The following RBFOX3 variants were observed in gnomAD, a reference collection of about 807,000 sequenced individuals.
RBFOX3 encodes the protein RNA binding fox-1 homolog 3.
A neutral mutation model predicts 48.7 loss-of-function variants in RBFOX3; 17 were observed. The observed-to-expected ratio is 0.35, with a 90% CI of 0.24 to 0.52. The LOEUF is 0.52. Among genes scored for constraint, RBFOX3 ranks in the 20% least tolerant of loss-of-function variants. RBFOX3 has a pLI of 0.94. For synonymous variants in RBFOX3, 212 were observed against 209.5 expected, an observed-to-expected ratio of 1.01 and a Z score of -0.10; for missense variants, 382 against 497.5, an observed-to-expected ratio of 0.77 and a Z score of 2.21.
At chr17:79,558,458 C>T (rs1396610872) in intron 1 of RBFOX3, among the ~76,000 whole-genome samples, 1 of 151,970 alleles carries the variant, frequency 6.6e-6, no homozygotes, top group Middle Eastern at 3.2e-3. Context: ...CTGAGGGCCC[C>T]AGGGTGCTGG....
At chr17:79,272,554 C>T (rs2067930048) in intron 3 of RBFOX3, among the ~76,000 whole-genome samples, 1 of 152,200 alleles carries the variant, frequency 6.6e-6, no homozygotes, top group African/African-American at 2.4e-5. Flanking sequence ...GCAGGTCCCA[C>T]CTGGCTGCCT....
At chr17:79,256,289 C>G (rs2064836352) in intron 3 of RBFOX3, among the ~76,000 whole-genome samples, 1 of 152,014 alleles carries the variant, frequency 6.6e-6, no homozygotes, top group Non-Finnish European at 1.5e-5. Context: ...TCATGTGAAT[C>G]CACTTTAATT....
intron 10 of RBFOX3, 97 bp downstream of exon 10, chr17:79,097,595 C>A: frequency 1.4e-6 from 2 of 1,440,350 alleles, no homozygotes; most frequent in Non-Finnish European, 9.4e-7. Flanking sequence ...GACGGCCCAC[C>A]TGGCCCCGCC....
intron 2 of RBFOX3, among the ~76,000 whole-genome samples, chr17:79,427,934 G>A (rs561432822): frequency 5.3e-5 from 8 of 152,200 alleles, no homozygotes; most frequent in Non-Finnish European, 8.8e-5. Flanking sequence ...ACTGGGCCCC[G>A]TGCTCCCAGC....
intron 2 of RBFOX3, among the ~76,000 whole-genome samples, chr17:79,317,467 C>G (rs761050077): frequency 2.0e-5 from 3 of 152,248 alleles, no homozygotes; most frequent in Non-Finnish European, 2.9e-5. Flanking sequence ...GTGAGCACAT[C>G]TGGCTTCCAC....
intron 1 of RBFOX3, among the ~76,000 whole-genome samples, chr17:79,500,382 T>G (rs2082230989): frequency 6.6e-6 from 1 of 150,518 alleles, no homozygotes; most frequent in Non-Finnish European, 1.5e-5. Flanking sequence ...CTCAGCCTCC[T>G]GAGTAGCTGG....
At chr17:79,497,392 C>CGCA (rs1310495660) in intron 1 of RBFOX3, among the ~76,000 whole-genome samples, 2 of 152,134 alleles carry the variant, frequency 1.3e-5, no homozygotes, top group African/African-American at 2.4e-5. Flanking sequence ...TCCAATGGAC[C>CGCA]GCAGAGTCTT....
intron 2 of RBFOX3, among the ~76,000 whole-genome samples, chr17:79,401,215 G>A (rs1228338364): frequency 2.0e-5 from 3 of 152,300 alleles, no homozygotes; most frequent in Middle Eastern, 3.4e-3. Context: ...GGGGCTCCGC[G>A]GTCAGGTTCC....
At chr17:79,466,072 T>C (rs1388309191) in intron 2 of RBFOX3, among the ~76,000 whole-genome samples, 1 of 152,184 alleles carries the variant, frequency 6.6e-6, no homozygotes, top group East Asian at 1.9e-4. Flanking sequence ...CCAAAGTGCA[T>C]GTGTGGAGAC....
At chr17:79,264,576 C>T (rs1039683742) in intron 3 of RBFOX3, among the ~76,000 whole-genome samples, 1 of 152,138 alleles carries the variant, frequency 6.6e-6, no homozygotes, top group African/African-American at 2.4e-5. Context: ...TCTCATGTCA[C>T]CCAGTTCGTG....
chr17:79,371,068 C>T (rs2058475304), intron 2 of RBFOX3, among the ~76,000 whole-genome samples: 1 of 152,214 alleles, frequency 6.6e-6, no homozygotes, highest in Non-Finnish European at 1.5e-5. Flanking sequence ...GGTGGGGTGG[C>T]TTCCCAGGCC....
chr17:79,166,177 ACCTTG>A (rs752021089), intron 4 of RBFOX3, among the ~76,000 whole-genome samples: 5 of 152,012 alleles, frequency 3.3e-5, no homozygotes, highest in Non-Finnish European at 7.4e-5. Flanking sequence ...GTAAGGGCGA[ACCTTG>A]GCCCCAGACA....
chr17:79,557,260 G>A (rs1440671766), intron 1 of RBFOX3, among the ~76,000 whole-genome samples: 3 of 147,634 alleles, frequency 2.0e-5, no homozygotes, highest in Admixed American at 6.8e-5. Flanking sequence ...GGAAAGGAAA[G>A]GAAAGAAATT....
At chr17:79,665,383 T>C in the RBFOX3 span, among the ~76,000 whole-genome samples, 1 of 150,976 alleles carries the variant, frequency 6.6e-6, no homozygotes, top group African/African-American at 2.4e-5. Flanking sequence ...GGGAGGGGCC[T>C]GGAGAGGAGC....
At chr17:79,372,693 C>T (rs983905159) in intron 2 of RBFOX3, among the ~76,000 whole-genome samples, 14 of 152,156 alleles carry the variant, frequency 9.2e-5, no homozygotes, top group Non-Finnish European at 1.0e-4. Flanking sequence ...CAGGGACAGA[C>T]GTGTGAGACA....
intron 4 of RBFOX3, among the ~76,000 whole-genome samples, chr17:79,219,688 G>C (rs531904796): frequency 2.0e-5 from 3 of 152,274 alleles, no homozygotes; most frequent in South Asian, 4.1e-4. Flanking sequence ...AGCTGCTCGT[G>C]TCTGGGCTCA....
At chr17:79,478,058 C>G (rs2078202622) in intron 2 of RBFOX3, among the ~76,000 whole-genome samples, 1 of 152,202 alleles carries the variant, frequency 6.6e-6, no homozygotes, top group Non-Finnish European at 1.5e-5. Context: ...TCCCCCTCTC[C>G]CCGCTGCCAA....
intron 1 of RBFOX3, among the ~76,000 whole-genome samples, chr17:79,520,938 G>A (rs2149988527): frequency 6.6e-6 from 1 of 152,356 alleles, no homozygotes; most frequent in South Asian, 2.1e-4. Context: ...GGAGGCCCTT[G>A]TTTGAATCTC....
rs1305587085 is a variant in RBFOX3 at position 79,443,517 on chromosome 17, G to A, written c.-175+38937C>T. 5.3e-5 allele frequency among the ~76,000 whole-genome samples: 8 copies of A among 151,924 alleles called. No individual in the cohort carries two copies. The highest frequency in any genetic ancestry group is 8.8e-5 in the Non-Finnish European group (6 of 67,992). On this transcript the variant is annotated intron_variant, in intron 2 of 14. Coordinates refer to ENST00000693108, the MANE Select transcript of RBFOX3 (RefSeq NM_001350451.2). This position sits in a 1 kb window ranked among gnomAD's most constrained non-coding sequence, Gnocchi z 4.4. ...CTTGCCTCAGCCTCTTGAGTAGCTG[G>A]GATTATAGGCACCTGACACCACTCC...
Sources: gnomAD v4.1 joint callset for allele counts (sites outside exome capture counted in the v4.1 genomes callset) on GRCh38, gnomAD v4.1.1 for gene constraint, Gnocchi (gnomAD v3.1) non-coding constraint, MANE v1.5 for transcripts, NCBI Gene and HGNC (gene_info 2026-07-23, HGNC 2026-07-21) for gene names.